UNC13C: variants seen among roughly 807,000 people sequenced by gnomAD.
The protein encoded by UNC13C is unc-13 homolog C.
Under a neutral mutation model 245.4 loss-of-function variants are expected in UNC13C, and 174 were observed. That is an observed-to-expected ratio of 0.71 (90% CI 0.63 to 0.80). The LOEUF (loss-of-function observed/expected upper bound fraction) is 0.80, where lower values mean the gene tolerates loss of function less well. Among genes scored for constraint, UNC13C ranks in the 30% least tolerant of loss-of-function variants. The pLI, the probability that UNC13C is intolerant of heterozygous loss-of-function variation, is 0.00. For missense variants in UNC13C, 2,829 were observed against 2,602.9 expected (o/e 1.09, Z -1.89); for synonymous variants, 992 against 895.1 (o/e 1.11, Z -1.93).
chr15:54,231,500 T>TCTTC (rs1483268490), intron 4 of UNC13C, among the ~76,000 whole-genome samples: 3 of 151,996 alleles, frequency 2.0e-5, no homozygotes, highest in African/African-American at 7.2e-5. Context: ...AAGGATTCTG[T>TCTTC]CTTCATTTTC....
intron 2 of UNC13C, among the ~76,000 whole-genome samples, chr15:54,070,670 C>G (rs1159661788): frequency 6.6e-6 from 1 of 152,040 alleles, no homozygotes; most frequent in East Asian, 1.9e-4. Context: ...GTTCATGTGA[C>G]AAAAGACAGG....
chr15:54,068,583 C>T (rs527296317), intron 2 of UNC13C, among the ~76,000 whole-genome samples: 15 of 152,066 alleles, frequency 9.9e-5, no homozygotes, highest in African/African-American at 3.4e-4. Flanking sequence ...TGGTAGTTTA[C>T]GAAAGAAGTC....
chr15:54,078,018 G>A (rs1456091117), intron 2 of UNC13C, among the ~76,000 whole-genome samples: 1 of 152,036 alleles, frequency 6.6e-6, no homozygotes, highest in East Asian at 1.9e-4. Flanking sequence ...TTATTTCCAT[G>A]TTTATGTCCA....
At chr15:54,154,302 A>G (rs1179038781) in intron 4 of UNC13C, among the ~76,000 whole-genome samples, 1 of 152,100 alleles carries the variant, frequency 6.6e-6, no homozygotes, top group Non-Finnish European at 1.5e-5. Flanking sequence ...CATTTTAGCA[A>G]TATTACATTT....
the UNC13C span, among the ~76,000 whole-genome samples, chr15:53,859,701 C>T: frequency 1.3e-5 from 2 of 152,154 alleles, no homozygotes; most frequent in African/African-American, 4.8e-5. Flanking sequence ...ATTCAGAAAA[C>T]TTCATCTAAA....
At chr15:53,926,409 A>G in the UNC13C span, among the ~76,000 whole-genome samples, 1 of 152,200 alleles carries the variant, frequency 6.6e-6, no homozygotes, top group South Asian at 2.1e-4. Flanking sequence ...TGGATCAAAA[A>G]AGGGATATCA....
chr15:54,179,192 G>A (rs1215774571), intron 4 of UNC13C, among the ~76,000 whole-genome samples: 2 of 152,010 alleles, frequency 1.3e-5, no homozygotes. Context: ...AAAAAGGTAA[G>A]CTCAACCAGA....
intron 19 of UNC13C, among the ~76,000 whole-genome samples, chr15:54,453,514 A>G (rs1035162712): frequency 1.3e-5 from 2 of 152,208 alleles, no homozygotes; most frequent in Non-Finnish European, 2.9e-5. Flanking sequence ...ACTACACCCT[A>G]TATTTGGATA....
chr15:54,262,726 A>T (rs555407186), intron 8 of UNC13C, among the ~76,000 whole-genome samples: 1 of 152,254 alleles, frequency 6.6e-6, no homozygotes, highest in East Asian at 1.9e-4. Flanking sequence ...AGTTTAAAAT[A>T]AAAGATAAAG....
chr15:54,169,217 T>A (rs555735180), intron 4 of UNC13C, among the ~76,000 whole-genome samples: 33 of 152,332 alleles, frequency 2.2e-4, no homozygotes, highest in Middle Eastern at 3.4e-3. Flanking sequence ...GGAATTACTA[T>A]AGCTGTTTAA....
chr15:54,406,610 G>A (rs2040298247), intron 18 of UNC13C, among the ~76,000 whole-genome samples: 1 of 152,076 alleles, frequency 6.6e-6, no homozygotes, highest in African/African-American at 2.4e-5. Context: ...CATCAGTTTG[G>A]AACTACAAAG....
chr15:54,228,430 C>A (rs1323585043), intron 4 of UNC13C, among the ~76,000 whole-genome samples: 1 of 152,066 alleles, frequency 6.6e-6, no homozygotes, highest in East Asian at 1.9e-4. Flanking sequence ...TGGGTCTCTC[C>A]CCATTGCCAT....
intron 30 of UNC13C, among the ~76,000 whole-genome samples, chr15:54,573,393 C>G (rs1459478233): frequency 1.3e-5 from 2 of 152,180 alleles, no homozygotes; most frequent in Non-Finnish European, 2.9e-5. Flanking sequence ...AAACAGTCTT[C>G]TCTCTCTGTT....
chr15:54,373,269 C>T (rs1343141416), intron 17 of UNC13C, among the ~76,000 whole-genome samples: 1 of 152,196 alleles, frequency 6.6e-6, no homozygotes, highest in Non-Finnish European at 1.5e-5. Context: ...GGGAGTGTTG[C>T]TTCATTAGCC....
rs773359951 is a variant in UNC13C at position 54,237,679 on chromosome 15, A to T, written c.3217A>T (p.Asn1073Tyr). 15 of 1,610,936 alleles carry T rather than the reference A, an allele frequency of 9.3e-6. No homozygotes were observed. The highest frequency in any genetic ancestry group is 1.2e-5 in the Non-Finnish European group (14 of 1,178,496). The part of the protein sequence containing the change: ...LAMVIRTSLN[N>Y]EELKMHVFKK... ...TATGGTGATTAGGACATCCCTAAAT[A>T]ATGAGGAACTGGTAAGTACTAGATA... Residue 1073 changes from asparagine to tyrosine, a missense_variant, in exon 7 of 33, where the codon AAT (asparagine) becomes TAT (tyrosine). Transcript: ENST00000260323.
At chr15:53,941,801 A>G in the UNC13C span, among the ~76,000 whole-genome samples, 15,670 of 152,252 alleles carry the variant, frequency 0.1, 1,169 homozygotes, top group East Asian at 0.33. Flanking sequence ...AAATATATGA[A>G]AAAAAGCTCA....
At position 54,014,196 on chromosome 15, in the gene UNC13C, T is replaced by A; in HGVS notation, c.1293T>A (p.Ala431=). Residue 431 remains alanine (A), a synonymous_variant, in exon 2 of 33, where the codon GCT becomes GCA. Coordinates refer to ENST00000260323, the MANE Select transcript of UNC13C (RefSeq NM_001080534.3). ...IPSSQTYESM[A]IKLSTPEPKI... is the part of the protein sequence containing the mutation. ...CCTCCCAGACATATGAGAGCATGGC[T>A]ATAAAGTTGTCTACTCCAGAGCCAA... 2 of 1,613,876 alleles carry A rather than the reference T, an allele frequency of 1.2e-6. No homozygotes were observed. The highest frequency in any genetic ancestry group is 1.7e-6 in the Non-Finnish European group (2 of 1,179,840).
intron 19 of UNC13C, among the ~76,000 whole-genome samples, chr15:54,425,382 C>A (rs1316608409): frequency 6.6e-6 from 1 of 151,784 alleles, no homozygotes; most frequent in Non-Finnish European, 1.5e-5. Flanking sequence ...AAGTGGTTTG[C>A]AAATGGGAGA....
In UNC13C at chr15:54,600,641, C is replaced by T. The variant is rs2251066; in HGVS notation, c.6107-21686C>T. ...TTTTCAGGTATTTATTGATCAATAA[C>T]GTGTCTGAATTATGGATTATTCTCA... On this transcript the variant is annotated intron_variant, in intron 30 of 32. Coordinates refer to ENST00000260323, the MANE Select transcript of UNC13C (RefSeq NM_001080534.3). 5.7e-4 allele frequency among the ~76,000 whole-genome samples: 87 copies of T among 152,120 alleles called. No individual in the cohort carries two copies. The South Asian group carries it at 7.3e-3, about 13-fold the overall frequency.
Sources: allele counts gnomAD v4.1 joint callset (sites outside exome capture counted in the v4.1 genomes callset), GRCh38; gene constraint gnomAD v4.1.1; transcripts MANE v1.5; gene names NCBI Gene and HGNC (gene_info 2026-07-23, HGNC 2026-07-21).